The following NSMCE2 variants were observed in gnomAD, a reference collection of about 807,000 sequenced individuals.
NSMCE2 encodes E3 SUMO-protein ligase NSE2.
A neutral mutation model predicts 23.8 loss-of-function variants in NSMCE2; 24 were observed. The observed-to-expected ratio is 1.01, with a 90% CI of 0.73 to 1.42. The LOEUF is 1.42. Among genes scored for constraint, NSMCE2 ranks in the 40% most tolerant of loss-of-function variants. NSMCE2 has a pLI of 0.00. For synonymous variants in NSMCE2, 92 were observed against 94.1 expected (o/e 0.98, Z 0.13); for missense variants, 284 against 296.5 (o/e 0.96, Z 0.31).
At chr8:125,232,550 AG>A (rs1825369068) in intron 5 of NSMCE2, among the ~76,000 whole-genome samples, 1 of 152,146 alleles carries the variant, frequency 6.6e-6, no homozygotes, top group Non-Finnish European at 1.5e-5. Flanking sequence ...GTTTCTTTTT[AG>A]GTGTAGAGTT....
At position 125,180,837 on chromosome 8, in the gene NSMCE2, T is replaced by C. The variant is rs191324307; in HGVS notation, c.265-1266T>C. On this transcript the variant is annotated intron_variant, in intron 4 of 7. Transcript: ENST00000287437. The stretch of plus-strand genomic sequence containing the variant: ...TGTGGCTTTTAGTGGGTAGGTATAT[T>C]TGGAGCTAATAAGATTAACTTATTT... Among the ~76,000 whole-genome samples the C allele has an allele frequency of 1.2e-4, 18 of 152,326 alleles. No homozygotes were observed. The East Asian group carries it at 2.7e-3, about 23-fold the overall frequency.
chr8:125,146,706 T>G (rs1054884147), intron 3 of NSMCE2, among the ~76,000 whole-genome samples: 9 of 152,006 alleles, frequency 5.9e-5, no homozygotes, highest in African/African-American at 2.2e-4. Context: ...TGAGAACACA[T>G]GGTCACAGGA....
chr8:125,181,878 G>A (rs963749673), intron 4 of NSMCE2, among the ~76,000 whole-genome samples: 1 of 152,102 alleles, frequency 6.6e-6, no homozygotes, highest in East Asian at 1.9e-4. Flanking sequence ...ACTAGCTTAC[G>A]GAAGCCAAAA....
intron 4 of NSMCE2, among the ~76,000 whole-genome samples, chr8:125,160,829 A>G (rs1008216178): frequency 1.4e-4 from 22 of 152,224 alleles, no homozygotes; most frequent in African/African-American, 4.3e-4. Context: ...CGAGTACACA[A>G]TCATGCTGTT....
At chr8:125,151,831 C>T (rs918097783) in intron 4 of NSMCE2, among the ~76,000 whole-genome samples, 1 of 152,202 alleles carries the variant, frequency 6.6e-6, no homozygotes, top group Non-Finnish European at 1.5e-5. Flanking sequence ...TAGCAACATC[C>T]TTTTCAGTAG....
chr8:125,118,573 T>C (rs1282357122), intron 3 of NSMCE2, among the ~76,000 whole-genome samples: 1 of 152,196 alleles, frequency 6.6e-6, no homozygotes, highest in Admixed American at 6.5e-5. Flanking sequence ...AGAACACTTC[T>C]TATGAAGTAG....
chr8:125,275,019 T>C (rs978090973), intron 5 of NSMCE2, among the ~76,000 whole-genome samples: 6 of 147,012 alleles, frequency 4.1e-5, no homozygotes, highest in Non-Finnish European at 8.9e-5. Context: ...ATAATAATAA[T>C]AATAATAATA....
At chr8:125,213,410 A>G (rs957700674) in intron 5 of NSMCE2, among the ~76,000 whole-genome samples, 2 of 151,988 alleles carry the variant, frequency 1.3e-5, no homozygotes, top group African/African-American at 4.8e-5. Flanking sequence ...TTGTTACTTT[A>G]GTAAATATAT....
At chr8:125,242,710 A>G (rs532550963) in intron 5 of NSMCE2, among the ~76,000 whole-genome samples, 10 of 152,318 alleles carry the variant, frequency 6.6e-5, no homozygotes, top group African/African-American at 2.4e-4. Flanking sequence ...GAGGGGGGAC[A>G]TATTTTGAAA....
intron 5 of NSMCE2, among the ~76,000 whole-genome samples, chr8:125,331,125 C>A (rs898620468): frequency 5.9e-5 from 9 of 152,074 alleles, no homozygotes; most frequent in Admixed American, 4.6e-4. Flanking sequence ...CATGGTGAAA[C>A]CCCGTCTCTA....
At chr8:125,248,510 G>A (rs1346400732) in intron 5 of NSMCE2, among the ~76,000 whole-genome samples, 2 of 152,074 alleles carry the variant, frequency 1.3e-5, no homozygotes, top group Non-Finnish European at 1.5e-5. Context: ...AAAATTAGCT[G>A]GGCATGGTGG....
intron 4 of NSMCE2, among the ~76,000 whole-genome samples, chr8:125,165,266 T>C (rs554923598): frequency 1.6e-4 from 24 of 152,356 alleles, no homozygotes; most frequent in Middle Eastern, 3.4e-3. Context: ...TGAGGCCTCA[T>C]GTAGCAGGCA....
intron 5 of NSMCE2, among the ~76,000 whole-genome samples, chr8:125,261,596 T>C (rs1288747582): frequency 6.6e-6 from 1 of 152,138 alleles, no homozygotes; most frequent in Non-Finnish European, 1.5e-5. Context: ...TACTTACACT[T>C]TGAATTTTTT....
In NSMCE2 at chr8:125,229,852, A is replaced by G. The variant is rs1825249418; in HGVS notation, c.418+47596A>G. 3.9e-5 allele frequency among the ~76,000 whole-genome samples: 6 copies of G among 152,084 alleles called. No homozygotes were observed. In the South Asian group the frequency reaches 1.2e-3, roughly 31 times the overall value. ...TTTTTAAAATGTTTAATTTTATTTT[A>G]CCTTTATTTTATAGAATTTTTGAGG... On this transcript the variant is annotated intron_variant, in intron 5 of 7. Transcript: ENST00000287437.
chr8:125,272,793 G>A lies in NSMCE2; in HGVS notation c.419-84426G>A, dbSNP rs1304885930. 4.5e-5 allele frequency among the ~76,000 whole-genome samples: 6 copies of A among 132,978 alleles called. 1 individual carries two copies. The highest frequency in any genetic ancestry group is 1.2e-4 in the African/African-American group (4 of 34,174). The allele number at this position is 132,978 out of a possible 152,430, so 87.2% of individuals were successfully genotyped here. A position where few individuals can be genotyped will look rare whatever the true frequency, so the allele number is the denominator to read the frequency against. ...CACACACACGTATATATATACACAT[G>A]TGTATATATATACACACACGTATAT... is the stretch of plus-strand genomic sequence containing the variant. On this transcript the variant is annotated intron_variant, in intron 5 of 7. Transcript: ENST00000287437.
At chr8:125,320,298 A>G (rs1243897651) in intron 5 of NSMCE2, among the ~76,000 whole-genome samples, 1 of 118,718 alleles carries the variant, frequency 8.4e-6, no homozygotes, top group Non-Finnish European at 1.8e-5. Flanking sequence ...GGAAGGAAGG[A>G]AGGAAGGAAG....
chr8:125,144,552 CAG>C (rs1056660548), intron 3 of NSMCE2, among the ~76,000 whole-genome samples: 8 of 152,210 alleles, frequency 5.3e-5, no homozygotes, highest in African/African-American at 1.9e-4. Flanking sequence ...CGTATTGCTA[CAG>C]GCTTACTGCC....
intron 5 of NSMCE2, among the ~76,000 whole-genome samples, chr8:125,203,381 G>T (rs1197279936): frequency 6.6e-6 from 1 of 152,058 alleles, no homozygotes; most frequent in African/African-American, 2.4e-5. Context: ...GGCAGAAATG[G>T]CTTCCTAGGG....
intron 3 of NSMCE2, among the ~76,000 whole-genome samples, chr8:125,132,045 C>A (rs1309819125): frequency 6.6e-6 from 1 of 152,142 alleles, no homozygotes; most frequent in Non-Finnish European, 1.5e-5. Flanking sequence ...GAAATAATTG[C>A]CATTTTGGTG....
Sources: allele counts gnomAD v4.1 joint callset (sites outside exome capture counted in the v4.1 genomes callset), GRCh38; gene constraint gnomAD v4.1.1; transcripts MANE v1.5; gene names NCBI Gene and HGNC (gene_info 2026-07-23, HGNC 2026-07-21).